MGAM: variants seen among roughly 807,000 people sequenced by gnomAD.
The protein encoded by MGAM is maltase-glucoamylase.
In MGAM, 253 loss-of-function variants were observed where a neutral mutation model predicts 358.8. The observed-to-expected ratio is 0.71, with a 90% confidence interval of 0.64 to 0.78. The LOEUF (loss-of-function observed/expected upper bound fraction) is 0.78. Ranked by LOEUF, MGAM falls within the 30% of genes least tolerant of loss-of-function variation. MGAM has a pLI of 0.00. For synonymous variants in MGAM, 1,105 were observed against 1,227.1 expected (o/e 0.90, Z 2.08); for missense variants, 3,080 against 3,432.6 (o/e 0.90, Z 2.57).
In MGAM at chr7:142,052,998, A is replaced by C. The variant is rs756272333; in HGVS notation, c.3159+14A>C. ...CTGCAGTTCAAGGTAAACACAGTACATGTATCAGGTAGTGATTAGACCCTT... is the reference window on the plus strand; with the variant it reads ...CTGCAGTTCAAGGTAAACACAGTACCTGTATCAGGTAGTGATTAGACCCTT... On this transcript the variant is annotated intron_variant, in intron 26 of 70. Coordinates refer to ENST00000475668, the MANE Select transcript of MGAM (RefSeq NM_001365693.1). 6.2e-7 allele frequency: 1 copy of C among 1,612,160 alleles called. No homozygotes were observed. The highest frequency in any genetic ancestry group is 8.5e-7 in the Non-Finnish European group (1 of 1,178,390).
intron 7 of MGAM, among the ~76,000 whole-genome samples, chr7:142,024,630 T>C (rs368398538): frequency 6.6e-6 from 1 of 151,974 alleles, no homozygotes; most frequent in Non-Finnish European, 1.5e-5. Context: ...AGAACTCCTG[T>C]TCTGGAGTCT....
intron 34 of MGAM, among the ~76,000 whole-genome samples, chr7:142,061,715 G>T (rs1812223248): frequency 6.6e-6 from 1 of 152,238 alleles, no homozygotes; most frequent in South Asian, 2.1e-4. Context: ...GACAAACAAA[G>T]GACTGTAATG....
chr7:142,090,311 C>A (rs4236463), intron 57 of MGAM, among the ~76,000 whole-genome samples: 124,762 of 144,758 alleles, frequency 0.86, 55,825 homozygotes, highest in East Asian at 1. Context: ...GGATACAATT[C>A]TGACTCAGCT....
chr7:142,099,772 C>G lies in MGAM; in HGVS notation c.7874+35C>G, dbSNP rs781671074. ...AGGACTCAGGTTTTCCTTTACATGT[C>G]AGTTAGCTCAACAATTTGTAATGAA... On this transcript the variant is annotated intron_variant, in intron 67 of 70. Transcript: ENST00000475668. 3.1e-6 allele frequency: 5 copies of G among 1,608,118 alleles called. No homozygotes were observed. In the Admixed American group the frequency reaches 8.4e-5, roughly 27 times the overall value.
intron 45 of MGAM, 98 bp from the exon 46 acceptor site, chr7:142,076,105 T>G: frequency 2.1e-6 from 2 of 944,832 alleles, no homozygotes; most frequent in Non-Finnish European, 3.4e-6. Flanking sequence ...ATACTGCCAT[T>G]TGTGACATCA....
intron 42 of MGAM, among the ~76,000 whole-genome samples, chr7:142,067,926 C>T (rs1277715352): frequency 6.9e-5 from 6 of 86,758 alleles, no homozygotes; most frequent in African/African-American, 2.1e-4. Flanking sequence ...ATTAATTGTA[C>T]CTCCCTCAAA....
intron 22 of MGAM, 60 bp from the exon 23 acceptor site, chr7:142,050,175 G>A (rs1430075008): frequency 6.5e-7 from 1 of 1,545,696 alleles, no homozygotes; most frequent in Admixed American, 1.7e-5. Flanking sequence ...GTGGTAGGGT[G>A]AAATCTGTTC....
At chr7:142,097,457 C>A in intron 65 of MGAM, 136 bp from the exon 66 acceptor site, 1 of 783,734 alleles carries the variant, frequency 1.3e-6, no homozygotes, top group Non-Finnish European at 2.1e-6. Flanking sequence ...AAGGTTTCCT[C>A]AATAGGTGAC....
chr7:141,990,984 A>C (rs1301916808), upstream of MGAM, among the ~76,000 whole-genome samples: 1 of 152,120 alleles, frequency 6.6e-6, no homozygotes, highest in Non-Finnish European at 1.5e-5. Context: ...TCTCTCTGCT[A>C]TGAGGTCATG....
rs1812534980 is a variant in MGAM, at chr7:142,064,499, G to T, written c.4461G>T (p.Trp1487Cys). 6.3e-7 allele frequency: 1 copy of T among 1,578,250 alleles called. No homozygotes were observed. Among genetic ancestry groups the T allele is most frequent in the Non-Finnish European group, 8.6e-7 (1 of 1,161,994 alleles). The change falls in exon 37 of 71, where the codon TGG becomes TGT. Residue 1487 changes from tryptophan to cysteine, a missense_variant. Physicochemically the swap from Trp to Cys is radical, Grantham distance 215. Coordinates refer to ENST00000475668, the MANE Select transcript of MGAM (RefSeq NM_001365693.1). ...ACAACGTGCACAACCTGTATGGGTGGTCCCAGACCAGACCCACATACGAGT... is the reference window on the plus strand; with the variant it reads ...ACAACGTGCACAACCTGTATGGGTGTTCCCAGACCAGACCCACATACGAGT... ...QHYNVHNLYGWSQTRPTYEAV... is the reference protein window; with the variant it reads ...QHYNVHNLYGCSQTRPTYEAV...
At chr7:142,042,829 A>T (rs1433756327) in intron 21 of MGAM, among the ~76,000 whole-genome samples, 1 of 46,688 alleles carries the variant, frequency 2.1e-5, no homozygotes, top group African/African-American at 6.4e-5. Context: ...TAAATATAAT[A>T]TCTATATTAT....
intron 33 of MGAM, 41 bp from the exon 34 acceptor site, chr7:142,060,270 A>G (rs1812006404): frequency 6.2e-7 from 1 of 1,603,358 alleles, no homozygotes; most frequent in Non-Finnish European, 8.5e-7. Flanking sequence ...TGTAAGGGAA[A>G]TTGTCTAGTG....
At position 142,019,287 on chromosome 7, in the gene MGAM, ATG is replaced by A. The variant is rs1173147135; in HGVS notation, c.418_419del (p.Val140ArgfsTer29). 4 of 1,613,422 alleles carry A rather than the reference ATG, an allele frequency of 2.5e-6. No individual in the cohort carries two copies. In the African/African-American group the frequency reaches 5.3e-5, roughly 22 times the overall value. ...TACTATTCCAAGAATCATAGCTACC[ATG>A]TAGAGGGCAACCTTGTCAACACAAA... is the stretch of plus-strand genomic sequence containing the variant. On this transcript the variant is annotated frameshift_variant, in exon 4 of 71. Coordinates refer to ENST00000475668, the MANE Select transcript of MGAM (RefSeq NM_001365693.1). LOFTEE classifies it high-confidence loss of function.
rs781693630 is a variant in MGAM at position 142,094,824 on chromosome 7, T to G, written c.7419T>G (p.Phe2473Leu). The part of the protein sequence containing the change: ...MCVRWMQLGA[F>L]YPFSRNHNTI... ...TTCGCTGGATGCAGCTGGGGGCCTT[T>G]TACCCCTTCTCAAGAAACCACAACA... The change falls in exon 63 of 71, where the codon TTT becomes TTG. Residue 2473 changes from phenylalanine (F) to leucine (L), a missense_variant. Physicochemically the swap from Phe to Leu is conservative, Grantham distance 22 (BLOSUM62 0). This residue lies in a region of MGAM where 932 missense variants were observed against 1,198.2 expected (regional missense o/e 0.78). Coordinates refer to ENST00000475668, the MANE Select transcript of MGAM (RefSeq NM_001365693.1). The G allele has an allele frequency of 1.2e-6, 2 of 1,613,918 alleles. No individual in the cohort carries two copies. Among genetic ancestry groups the G allele is most frequent in the South Asian group, 2.2e-5 (2 of 91,074 alleles).
intron 21 of MGAM, among the ~76,000 whole-genome samples, chr7:142,041,908 TATATATAC>T (rs1808655145): frequency 5.2e-5 from 1 of 19,056 alleles, no homozygotes; most frequent in Non-Finnish European, 9.2e-5. Flanking sequence ...ATATATATTA[TATATATAC>T]GTATAATATA....
intron 67 of MGAM, 85 bp downstream of exon 67, chr7:142,099,822 C>T (rs945901189): frequency 3.9e-5 from 60 of 1,537,162 alleles, no homozygotes; most frequent in Middle Eastern, 1.8e-4. Context: ...AAGCATCACT[C>T]TCAAACCCAC....
chr7:142,020,586 AAT>A (rs201449305), intron 4 of MGAM, among the ~76,000 whole-genome samples: 84 of 141,498 alleles, frequency 5.9e-4, no homozygotes, highest in African/African-American at 1.5e-3. Context: ...CATGTATCCT[AAT>A]ATATATATAT....
chr7:142,009,364 A>C (rs1445867634), intron 3 of MGAM, among the ~76,000 whole-genome samples: 1 of 152,118 alleles, frequency 6.6e-6, no homozygotes, highest in South Asian at 2.1e-4. Flanking sequence ...AATTTACAGA[A>C]AGTTGATGCA....
At chr7:142,028,770 G>A (rs1807192274) in intron 10 of MGAM, among the ~76,000 whole-genome samples, 1 of 152,142 alleles carries the variant, frequency 6.6e-6, no homozygotes, top group Non-Finnish European at 1.5e-5. Context: ...TAGGAACACT[G>A]AGGAGATGGG....
Sources: allele counts gnomAD v4.1 joint callset (sites outside exome capture counted in the v4.1 genomes callset), GRCh38; gene constraint gnomAD v4.1.1; regional missense constraint gnomAD v4.1.1; transcripts MANE v1.5; gene names NCBI Gene and HGNC (gene_info 2026-07-23, HGNC 2026-07-21).